Variants in GPC6 observed in about 807,000 individuals in gnomAD.
The protein encoded by GPC6 is glypican 6.
Under a neutral mutation model 55.2 loss-of-function variants are expected in GPC6, and 14 were observed. The observed-to-expected ratio is 0.25, with a 90% confidence interval of 0.17 to 0.40. The LOEUF (loss-of-function observed/expected upper bound fraction) is 0.40. Among genes scored for constraint, GPC6 ranks in the 10% least tolerant of loss-of-function variants. GPC6 has a pLI of 1.00. For synonymous variants in GPC6, 278 were observed against 259.6 expected (o/e 1.07, Z -0.68); for missense variants, 641 against 708.5 (o/e 0.90, Z 1.08).
At chr13:93,676,459 T>C (rs955471569) in intron 2 of GPC6, among the ~76,000 whole-genome samples, 1 of 151,650 alleles carries the variant, frequency 6.6e-6, no homozygotes, top group Admixed American at 6.6e-5. Context: ...AATAAAATGG[T>C]ATTAGGATTT....
chr13:94,133,063 G>C (rs1345616720), intron 4 of GPC6, among the ~76,000 whole-genome samples: 1 of 151,946 alleles, frequency 6.6e-6, no homozygotes, highest in African/African-American at 2.4e-5. Flanking sequence ...TATTCCTATG[G>C]AATGTTGATT....
intron 1 of GPC6, among the ~76,000 whole-genome samples, chr13:93,417,957 TAC>T (rs1876766917): frequency 1.3e-5 from 2 of 152,212 alleles, no homozygotes; most frequent in Non-Finnish European, 2.9e-5. Flanking sequence ...CCTGCTGAAT[TAC>T]AGAGTCCTGA....
intron 4 of GPC6, among the ~76,000 whole-genome samples, chr13:94,213,562 A>G (rs979881882): frequency 6.6e-6 from 1 of 152,158 alleles, no homozygotes; most frequent in Admixed American, 6.5e-5. Context: ...CCCTGTGGGT[A>G]GCTCTCGGGT....
chr13:94,370,793 A>G (rs529727917), intron 6 of GPC6, among the ~76,000 whole-genome samples: 2 of 152,368 alleles, frequency 1.3e-5, no homozygotes, highest in African/African-American at 4.8e-5. Flanking sequence ...CATAAATTGT[A>G]ACATAAGCAC....
In GPC6 at chr13:94,341,725, T is replaced by C. The variant is rs923430315; in HGVS notation, c.1152+35602T>C. On this transcript the variant is annotated intron_variant, in intron 6 of 8. Coordinates refer to ENST00000377047, the MANE Select transcript of GPC6 (RefSeq NM_005708.5). The stretch of plus-strand genomic sequence containing the variant: ...AAAATTCAAAGGAAAATATCTTTCA[T>C]AACTTGAATAAATCTCAAACCAATT... Among the ~76,000 whole-genome samples the C allele has an allele frequency of 2.6e-5, 4 of 152,202 alleles. No homozygotes were observed. The South Asian group carries it at 8.3e-4, about 31-fold the overall frequency.
chr13:94,326,598 C>A (rs1050590862), intron 6 of GPC6, among the ~76,000 whole-genome samples: 2 of 152,200 alleles, frequency 1.3e-5, no homozygotes, highest in African/African-American at 4.8e-5. Flanking sequence ...TACAGCCTCC[C>A]CAACCATCAC....
chr13:94,124,886 A>G (rs1886753218), intron 4 of GPC6, among the ~76,000 whole-genome samples: 1 of 152,144 alleles, frequency 6.6e-6, no homozygotes, highest in Admixed American at 6.6e-5. Context: ...GGCAAGAAGG[A>G]ACCCTAGAGG....
intron 3 of GPC6, among the ~76,000 whole-genome samples, chr13:93,849,881 T>C (rs931243027): frequency 6.6e-6 from 1 of 151,956 alleles, no homozygotes; most frequent in South Asian, 2.1e-4. Flanking sequence ...TACCGTGAAT[T>C]ATTAGAATTA....
At chr13:93,595,355 T>A (rs1877678396) in intron 2 of GPC6, among the ~76,000 whole-genome samples, 1 of 152,142 alleles carries the variant, frequency 6.6e-6, no homozygotes. Context: ...AGATGGTTGA[T>A]TAAGATGCAA....
At chr13:93,557,399 TA>T (rs200720972) in intron 2 of GPC6, among the ~76,000 whole-genome samples, 14 of 151,952 alleles carry the variant, frequency 9.2e-5, no homozygotes, top group Admixed American at 2.6e-4. Flanking sequence ...TGATTGATGT[TA>T]AAAAAAATAG....
intron 1 of GPC6, among the ~76,000 whole-genome samples, chr13:93,504,640 TA>T (rs1380397337): frequency 5.9e-5 from 9 of 152,036 alleles, no homozygotes; most frequent in Non-Finnish European, 1.3e-4. Flanking sequence ...TTGGCTCAAA[TA>T]GCTGGAGGGA....
At chr13:94,161,361 A>G (rs765683425) in intron 4 of GPC6, among the ~76,000 whole-genome samples, 1 of 152,174 alleles carries the variant, frequency 6.6e-6, no homozygotes, top group Non-Finnish European at 1.5e-5. Flanking sequence ...TGTGTTTTCA[A>G]TCACTGACAG....
At chr13:93,900,225 A>G (rs1876270646) in intron 3 of GPC6, among the ~76,000 whole-genome samples, 1 of 152,128 alleles carries the variant, frequency 6.6e-6, no homozygotes, top group Non-Finnish European at 1.5e-5. Context: ...TCTCAGACCT[A>G]AAGAGAATGA....
At chr13:93,841,922 C>T (rs1326192212) in intron 3 of GPC6, among the ~76,000 whole-genome samples, 2 of 152,074 alleles carry the variant, frequency 1.3e-5, no homozygotes, top group African/African-American at 4.8e-5. Flanking sequence ...ATATTTTAAA[C>T]TTTCATAAAT....
chr13:93,892,633 A>G (rs1345910889), intron 3 of GPC6, among the ~76,000 whole-genome samples: 1 of 152,242 alleles, frequency 6.6e-6, no homozygotes, highest in Non-Finnish European at 1.5e-5. Context: ...TCTTTTATAT[A>G]TACATAACCA....
chr13:94,275,834 C>T (rs76536972), intron 4 of GPC6, among the ~76,000 whole-genome samples: 7 of 152,190 alleles, frequency 4.6e-5, no homozygotes, highest in Non-Finnish European at 7.4e-5. Flanking sequence ...AGATGTCCAA[C>T]CTTCCCTATA....
chr13:94,222,192 A>G (rs1719205275), intron 4 of GPC6, among the ~76,000 whole-genome samples: 1 of 151,868 alleles, frequency 6.6e-6, no homozygotes, highest in African/African-American at 2.4e-5. Context: ...AGCCTCATTC[A>G]TGTTTTGGGT....
intron 1 of GPC6, among the ~76,000 whole-genome samples, chr13:93,295,513 T>G (rs758204176): frequency 5.9e-5 from 9 of 151,902 alleles, no homozygotes; most frequent in Admixed American, 1.3e-4. Context: ...GTGTGTGTGT[T>G]TTTGAGACAG....
At chr13:94,083,340 G>A (rs372221334) in intron 4 of GPC6, among the ~76,000 whole-genome samples, 87 of 152,254 alleles carry the variant, frequency 5.7e-4, no homozygotes, top group East Asian at 1.7e-3. Flanking sequence ...GGATGGTCTC[G>A]ATCTCCTGAC....
Sources: allele counts gnomAD v4.1 joint callset (sites outside exome capture counted in the v4.1 genomes callset), GRCh38; gene constraint gnomAD v4.1.1; transcripts MANE v1.5; gene names NCBI Gene and HGNC (gene_info 2026-07-23, HGNC 2026-07-21).